The following OSGIN2 variants were observed in gnomAD, a reference collection of about 807,000 sequenced individuals.
OSGIN2 encodes the protein oxidative stress-induced growth inhibitor 2.
OSGIN2 carries 19 observed loss-of-function variants against 53.8 expected under a neutral mutation model. That is an observed-to-expected ratio of 0.35 (90% confidence interval 0.25 to 0.52). OSGIN2 has a LOEUF of 0.52. Among genes scored for constraint, OSGIN2 ranks in the 20% least tolerant of loss-of-function variants. The pLI is 0.95. For missense variants in OSGIN2, 520 were observed against 662.7 expected, an observed-to-expected ratio of 0.78 and a Z score of 2.36; for synonymous variants, 236 against 236.0, an observed-to-expected ratio of 1.00 and a Z score of 0.00.
chr8:89,902,827 G>A lies in OSGIN2; in HGVS notation c.34G>A (p.Gly12Ser), dbSNP rs1336467381. 2.2e-6 allele frequency: 3 copies of A among 1,377,354 alleles called. No individual in the cohort carries two copies. The highest frequency in any genetic ancestry group is 2.9e-6 in the Non-Finnish European group (3 of 1,045,686). The allele number at this position is 1,377,354 out of a possible 1,614,324, so 85.3% of individuals were successfully genotyped here. A position where few individuals can be genotyped will look rare whatever the true frequency, so the allele number is the denominator to read the frequency against. ...GTGGTGCTGCCGCTGCTCCCTGGCC[G>A]GTCATTTCAGGTGACTTCCTCGCCG... ...PVWCCRCSLAGHFRNYSDTET... is the reference protein window; with the variant it reads ...PVWCCRCSLASHFRNYSDTET... The change falls in exon 1 of 6, where the codon GGT (glycine) becomes AGT (serine). Residue 12 changes from glycine (G) to serine (S), a missense_variant. Gly to Ser is a moderately conservative substitution (Grantham distance 56, BLOSUM62 0). This residue lies in a region of OSGIN2 where 203 missense variants were observed against 275.3 expected (regional missense o/e 0.74). Transcript: ENST00000451899.
intron 2 of OSGIN2, among the ~76,000 whole-genome samples, chr8:89,912,038 CTTTCTCTG>C (rs1808979259): frequency 6.6e-6 from 1 of 152,144 alleles, no homozygotes; most frequent in East Asian, 1.9e-4. Context: ...TCTTTCTCTG[CTTTCTCTG>C]TTTCTAGTAT....
At position 89,925,192 on chromosome 8, in the gene OSGIN2, T is replaced by C. The variant is rs779614479; in HGVS notation, c.1310T>C (p.Val437Ala). The C allele has an allele frequency of 8.7e-6, 14 of 1,614,032 alleles. No homozygotes were observed. In the South Asian group the frequency reaches 1.3e-4, roughly 15 times the overall value. The change falls in exon 6 of 6, where the codon GTT becomes GCT. Residue 437 changes from valine to alanine, a missense_variant. By Grantham distance (64) the Val-to-Ala change is moderately conservative (BLOSUM62 0). Around this residue, in one of 3 missense-constraint regions of OSGIN2, gnomAD observed 239 missense variants for 328.3 expected, o/e 0.73. Transcript: ENST00000451899. ...VLSFKSDMKCVLQSVSGLKKI... is the reference protein window; with the variant it reads ...VLSFKSDMKCALQSVSGLKKI... Reference sequence around the variant, plus strand: ...TCCTTTAAGTCGGACATGAAATGTGTTCTCCAAAGCGTTTCTGGATTGAAG... The same window carrying C: ...TCCTTTAAGTCGGACATGAAATGTGCTCTCCAAAGCGTTTCTGGATTGAAG...
chr8:89,918,355 C>T (rs1447454191), intron 4 of OSGIN2, among the ~76,000 whole-genome samples: 1 of 152,048 alleles, frequency 6.6e-6, no homozygotes, highest in Non-Finnish European at 1.5e-5. Context: ...GGGTGGAGTG[C>T]AGTGGTACAG....
intron 4 of OSGIN2, 50 bp from the exon 5 acceptor site, chr8:89,921,030 T>C (rs1809189119): frequency 3.6e-6 from 4 of 1,100,888 alleles, no homozygotes; most frequent in African/African-American, 1.6e-5. Context: ...AAAAAAACCA[T>C]GTTACTTCTT....
chr8:89,909,227 G>A (rs1808915892), intron 1 of OSGIN2, among the ~76,000 whole-genome samples: 1 of 151,608 alleles, frequency 6.6e-6, no homozygotes, highest in Non-Finnish European at 1.5e-5. Flanking sequence ...AAGGTATGGA[G>A]GAGACACTAG....
rs1038257555 is a variant in OSGIN2, at chr8:89,927,602, C to T, written c.*2070C>T. ...ATGTGAGCATCTCCTCCTTATCCCT[C>T]GATGCCTGGCTTGGTGTCTGGCAAA... is the stretch of plus-strand genomic sequence containing the variant. On this transcript the variant is annotated 3_prime_UTR_variant, in exon 6 of 6. Transcript: ENST00000451899. The T allele has an allele frequency of 1.3e-5, 2 of 152,168 alleles. No individual in the cohort carries two copies. Among genetic ancestry groups the T allele is most frequent in the South Asian group, 2.1e-4 (1 of 4,834 alleles). The allele number at this position is 152,168 out of a possible 1,614,324, so 9.4% of individuals were successfully genotyped here. A position where few individuals can be genotyped will look rare whatever the true frequency, so the allele number is the denominator to read the frequency against.
chr8:89,927,863 A>G lies in OSGIN2; in HGVS notation c.*2331A>G, dbSNP rs1230007780. ...GGAAAATTTCTAAATAAATTCAACT[A>G]TTAAATAAATGCAAGTTCCACTAAA... On this transcript the variant is annotated 3_prime_UTR_variant, in exon 6 of 6. Coordinates refer to ENST00000451899, the MANE Select transcript of OSGIN2 (RefSeq NM_001126111.3). 3.9e-5 allele frequency: 6 copies of G among 152,240 alleles called. No individual in the cohort carries two copies. Among genetic ancestry groups the G allele is most frequent in the South Asian group, 2.1e-4 (1 of 4,836 alleles). 9.4% of individuals were successfully genotyped at this position (152,240 alleles called of 1,614,324 possible). A position where few individuals can be genotyped will look rare whatever the true frequency, so the allele number is the denominator to read the frequency against.
chr8:89,913,457 A>G (rs1039704333), intron 2 of OSGIN2, among the ~76,000 whole-genome samples: 1 of 152,088 alleles, frequency 6.6e-6, no homozygotes, highest in Non-Finnish European at 1.5e-5. Flanking sequence ...CCTTTAGAAC[A>G]GAAGGCTAAC....
Position 89,925,070 on chromosome 8 carries a change from A to G in OSGIN2, c.1188A>G (p.Glu396=). 6.2e-7 allele frequency: 1 copy of G among 1,613,688 alleles called. No homozygotes were observed. Among genetic ancestry groups the G allele is most frequent in the South Asian group, 1.1e-5 (1 of 91,088 alleles). ...AGCTTCCCAAAAAGCTGTATCCTGAATATCATAAAGTCTATCATATGATGT... is the reference window on the plus strand; with the variant it reads ...AGCTTCCCAAAAAGCTGTATCCTGAGTATCATAAAGTCTATCATATGATGT... ...FKQLPKKLYP[E]YHKVYHMMCT... The change falls in exon 6 of 6, where the codon GAA becomes GAG. Residue 396 remains glutamate (E), a synonymous_variant. Transcript: ENST00000451899.
chr8:89,903,982 GT>G (rs1401891295), intron 1 of OSGIN2, among the ~76,000 whole-genome samples: 2 of 152,132 alleles, frequency 1.3e-5, no homozygotes, highest in African/African-American at 4.8e-5. Context: ...TCATCCTATA[GT>G]AAAAGAGATG....
At chr8:89,919,827 C>T (rs1168237843) in intron 4 of OSGIN2, among the ~76,000 whole-genome samples, 1 of 152,136 alleles carries the variant, frequency 6.6e-6, no homozygotes, top group Non-Finnish European at 1.5e-5. Flanking sequence ...CATTTGTGTC[C>T]TTGAAGAACC....
intron 2 of OSGIN2, among the ~76,000 whole-genome samples, chr8:89,912,697 G>C (rs1318669021): frequency 1.3e-5 from 2 of 151,562 alleles, no homozygotes; most frequent in Admixed American, 6.6e-5. Flanking sequence ...AGTGAGCCGA[G>C]ATCATGCCAC....
At chr8:89,923,765 C>T (rs1187125424) in intron 5 of OSGIN2, among the ~76,000 whole-genome samples, 1 of 152,200 alleles carries the variant, frequency 6.6e-6, no homozygotes, top group East Asian at 1.9e-4. Flanking sequence ...ACAAACCCTA[C>T]TGTAAATTGA....
Position 89,921,175 on chromosome 8 carries a change from A to G in OSGIN2, c.620+4A>G. 1.3e-6 allele frequency: 2 copies of G among 1,510,922 alleles called. No homozygotes were observed. The highest frequency in any genetic ancestry group is 1.8e-6 in the Non-Finnish European group (2 of 1,104,234). The allele number at this position is 1,510,922 out of a possible 1,614,324, so 93.6% of individuals were successfully genotyped here. A position where few individuals can be genotyped will look rare whatever the true frequency, so the allele number is the denominator to read the frequency against. On this transcript the variant is annotated splice_donor_region_variant and intron_variant, in intron 5 of 5. Transcript: ENST00000451899. Reference sequence around the variant, plus strand: ...ACTGGGTATCAAGTAAACGAAGGTAAAGATTGAACTGTATTAAAATTCTTT... The same window carrying G: ...ACTGGGTATCAAGTAAACGAAGGTAGAGATTGAACTGTATTAAAATTCTTT...
At position 89,902,831 on chromosome 8, in the gene OSGIN2, A is replaced by C; in HGVS notation, c.38A>C (p.His13Pro). 1 of 1,376,520 alleles carries C rather than the reference A, an allele frequency of 7.3e-7. No individual in the cohort carries two copies. 85.3% of individuals were successfully genotyped at this position (1,376,520 alleles called of 1,614,324 possible). ...VWCCRCSLAG[H>P]FRNYSDTETE... is the part of the protein sequence containing the mutation. ...TGCTGCCGCTGCTCCCTGGCCGGTCATTTCAGGTGACTTCCTCGCCGGGGA... is the reference window on the plus strand; with the variant it reads ...TGCTGCCGCTGCTCCCTGGCCGGTCCTTTCAGGTGACTTCCTCGCCGGGGA... Residue 13 changes from histidine (H) to proline (P), a missense_variant, in exon 1 of 6, where the codon CAT (histidine) becomes CCT (proline). Coordinates refer to ENST00000451899, the MANE Select transcript of OSGIN2 (RefSeq NM_001126111.3).
intron 5 of OSGIN2, among the ~76,000 whole-genome samples, chr8:89,922,719 C>T (rs998180204): frequency 2.0e-5 from 3 of 152,008 alleles, no homozygotes; most frequent in Non-Finnish European, 2.9e-5. Context: ...ATAATACAGC[C>T]GTGTATTGCT....
intron 1 of OSGIN2, among the ~76,000 whole-genome samples, chr8:89,905,305 C>T (rs1278528386): frequency 6.6e-6 from 1 of 152,144 alleles, no homozygotes; most frequent in Non-Finnish European, 1.5e-5. Flanking sequence ...AAGTGCTGTT[C>T]TTTACTAGTT....
intron 4 of OSGIN2, among the ~76,000 whole-genome samples, chr8:89,920,323 T>A (rs1267755952): frequency 6.6e-6 from 1 of 152,190 alleles, no homozygotes; most frequent in East Asian, 1.9e-4. Flanking sequence ...ATGCCCCATT[T>A]TCAAACTGGG....
intron 1 of OSGIN2, among the ~76,000 whole-genome samples, chr8:89,908,326 A>G (rs979748550): frequency 1.3e-5 from 2 of 152,132 alleles, no homozygotes; most frequent in Non-Finnish European, 1.5e-5. Context: ...GGGAAACCAA[A>G]TATTTGGGGT....
Sources: gnomAD v4.1 joint callset for allele counts (sites outside exome capture counted in the v4.1 genomes callset) on GRCh38, gnomAD v4.1.1 for gene constraint, gnomAD v4.1.1 regional missense constraint, MANE v1.5 for transcripts, NCBI Gene and HGNC (gene_info 2026-07-23, HGNC 2026-07-21) for gene names.